The following ADARB2 variants were observed in gnomAD, a reference collection of about 807,000 sequenced individuals.
ADARB2 encodes the protein adenosine deaminase RNA specific B2 (inactive).
ADARB2 carries 25 observed loss-of-function variants against 62.2 expected under a neutral mutation model. The ratio of observed to expected loss-of-function variants is 0.40; its 90% CI spans 0.29 to 0.56. The LOEUF (loss-of-function observed/expected upper bound fraction) is 0.56. Among genes scored for constraint, ADARB2 ranks in the 20% least tolerant of loss-of-function variants. The pLI, the probability that ADARB2 is intolerant of heterozygous loss-of-function variation, is 0.43. For synonymous variants in ADARB2, 572 were observed against 500.8 expected, an observed-to-expected ratio of 1.14 and a Z score of -1.90; for missense variants, 1,071 against 1,077.4, an observed-to-expected ratio of 0.99 and a Z score of 0.08.
At chr10:1,567,878 A>G (rs1307064305) in intron 1 of ADARB2, among the ~76,000 whole-genome samples, 1 of 152,210 alleles carries the variant, frequency 6.6e-6, no homozygotes, top group Non-Finnish European at 1.5e-5. Flanking sequence ...GCAGCCAGAC[A>G]GGCCCGGGAT....
chr10:1,418,704 T>C (rs1832826722), intron 1 of ADARB2, among the ~76,000 whole-genome samples: 1 of 152,170 alleles, frequency 6.6e-6, no homozygotes, highest in African/African-American at 2.4e-5. Context: ...TATTTCCTCC[T>C]CAGTGCCCTA....
At chr10:1,427,456 A>G (rs1832902040) in intron 1 of ADARB2, among the ~76,000 whole-genome samples, 1 of 152,270 alleles carries the variant, frequency 6.6e-6, no homozygotes, top group African/African-American at 2.4e-5. Flanking sequence ...ACAGTTGGCA[A>G]ATAGGCATAT....
chr10:1,371,848 G>A (rs1832375466), intron 2 of ADARB2, among the ~76,000 whole-genome samples: 1 of 150,382 alleles, frequency 6.6e-6, no homozygotes, highest in Non-Finnish European at 1.5e-5. Flanking sequence ...GGGGATGCTT[G>A]TGCACTGTTG....
intron 1 of ADARB2, among the ~76,000 whole-genome samples, chr10:1,720,927 G>T (rs1026438026): frequency 6.6e-6 from 1 of 152,182 alleles, no homozygotes; most frequent in Non-Finnish European, 1.5e-5. Context: ...GAAAGCAAAG[G>T]CACCCACCTC....
intron 1 of ADARB2, among the ~76,000 whole-genome samples, chr10:1,730,040 A>G (rs1835212520): frequency 6.6e-6 from 1 of 152,244 alleles, no homozygotes; most frequent in Non-Finnish European, 1.5e-5. Flanking sequence ...CATTATGTGC[A>G]AATCACCTGA....
chr10:1,364,603 T>G (rs1433228455), intron 2 of ADARB2, among the ~76,000 whole-genome samples: 1 of 152,190 alleles, frequency 6.6e-6, no homozygotes, highest in East Asian at 1.9e-4. Flanking sequence ...AATGGATGAA[T>G]CACTACGGAA....
Position 1,200,082 on chromosome 10 carries a change from C to T in ADARB2, c.1748G>A (p.Ser583Asn). The change falls in exon 8 of 10, where the codon AGC becomes AAC. Residue 583 changes from serine to asparagine, a missense_variant. Physicochemically the swap from Ser to Asn is conservative, Grantham distance 46 (BLOSUM62 1). Coordinates refer to ENST00000381312, the MANE Select transcript of ADARB2 (RefSeq NM_018702.4). ...GTGGTGCAGGCTGCCCACCACGATG[C>T]TCTGCAGGTACACGGGCTCCACGAA... ...SHFVEPVYLQ[S>N]IVVGSLHHTG... The T allele has an allele frequency of 1.3e-6, 2 of 1,576,004 alleles. No individual in the cohort carries two copies. Among genetic ancestry groups the T allele is most frequent in the East Asian group, 2.3e-5 (1 of 42,630 alleles).
intron 1 of ADARB2, among the ~76,000 whole-genome samples, chr10:1,533,286 T>C (rs1248268026): frequency 1.7e-4 from 12 of 69,712 alleles, no homozygotes; most frequent in African/African-American, 3.9e-4. Flanking sequence ...GCCTGGCTCA[T>C]TCTTTTTTTT....
At chr10:1,443,584 C>G (rs1018454949) in intron 1 of ADARB2, among the ~76,000 whole-genome samples, 1 of 152,104 alleles carries the variant, frequency 6.6e-6, no homozygotes, top group East Asian at 1.9e-4. Context: ...AAATTCAACA[C>G]CTTTCTAGTC....
At chr10:1,270,808 T>A in intron 4 of ADARB2, 147 bp downstream of exon 4, 1 of 694,324 alleles carries the variant, frequency 1.4e-6, no homozygotes, top group Non-Finnish European at 2.4e-6. Flanking sequence ...CTCTGGCCAC[T>A]GATCTCTGTA....
chr10:1,516,725 C>G (rs932944865), intron 1 of ADARB2, among the ~76,000 whole-genome samples: 3 of 152,220 alleles, frequency 2.0e-5, no homozygotes, highest in African/African-American at 7.2e-5. Context: ...CCCGTGCACC[C>G]TTCCAACTGT....
chr10:1,617,556 C>G (rs1421631932), intron 1 of ADARB2, among the ~76,000 whole-genome samples: 5 of 147,772 alleles, frequency 3.4e-5, no homozygotes, highest in Admixed American at 3.3e-4. Flanking sequence ...CATTCTGTCG[C>G]TAGATGTTTG....
intron 1 of ADARB2, among the ~76,000 whole-genome samples, chr10:1,517,501 T>C (rs1832020579): frequency 4.6e-5 from 7 of 152,208 alleles, no homozygotes; most frequent in Admixed American, 3.9e-4. Flanking sequence ...TGGGAAAGGA[T>C]GGGAAAACTT....
intron 1 of ADARB2, among the ~76,000 whole-genome samples, chr10:1,493,857 G>C (rs12412662): frequency 0.53 from 78,192 of 148,014 alleles, 21,772 homozygotes; most frequent in Non-Finnish European, 0.63. Context: ...CTCCTGGGTT[G>C]AAGCGGTTCT....
At chr10:1,657,390 T>TTTTTTTATG (rs1554778947) in intron 1 of ADARB2, among the ~76,000 whole-genome samples, 2 of 151,804 alleles carry the variant, frequency 1.3e-5, no homozygotes, top group Non-Finnish European at 2.9e-5. Context: ...TAAATCATAT[T>TTTTTTTATG]TTTTTATGTT....
intron 1 of ADARB2, among the ~76,000 whole-genome samples, chr10:1,501,542 A>G (rs989713428): frequency 3.9e-5 from 6 of 152,242 alleles, no homozygotes; most frequent in African/African-American, 1.4e-4. Flanking sequence ...CATGTACACA[A>G]ACCAATTCAT....
intron 1 of ADARB2, among the ~76,000 whole-genome samples, chr10:1,586,571 G>T (rs1260877018): frequency 6.6e-6 from 1 of 152,198 alleles, no homozygotes; most frequent in African/African-American, 2.4e-5. Context: ...TCTCTGCCCC[G>T]AGGGGATCTG....
chr10:1,353,148 G>C (rs1345755343), intron 3 of ADARB2, among the ~76,000 whole-genome samples: 1 of 152,094 alleles, frequency 6.6e-6, no homozygotes, highest in African/African-American at 2.4e-5. Context: ...ATTGGCCCCC[G>C]CCTAGGACTG....
chr10:1,295,038 C>T (rs1831511657), intron 3 of ADARB2, among the ~76,000 whole-genome samples: 1 of 152,190 alleles, frequency 6.6e-6, no homozygotes, highest in Admixed American at 6.5e-5. Flanking sequence ...CGGCCCACAT[C>T]CTTTCCTGGT....
Sources: gnomAD v4.1 joint callset for allele counts (sites outside exome capture counted in the v4.1 genomes callset) on GRCh38, gnomAD v4.1.1 for gene constraint, MANE v1.5 for transcripts, NCBI Gene and HGNC (gene_info 2026-07-23, HGNC 2026-07-21) for gene names.